Variants in BCAT1 observed in about 807,000 individuals in gnomAD.
The protein encoded by BCAT1 is branched-chain-amino-acid aminotransferase, cytosolic.
A neutral mutation model predicts 52.4 loss-of-function variants in BCAT1; 48 were observed. That is an observed-to-expected ratio of 0.92 (90% CI 0.73 to 1.16). BCAT1 has a LOEUF of 1.16. Among genes scored for constraint, BCAT1 ranks in the 50% most tolerant of loss-of-function variants. BCAT1 has a pLI of 0.00. For synonymous variants in BCAT1, 167 were observed against 161.3 expected (o/e 1.04, Z -0.27); for missense variants, 451 against 457.1 (o/e 0.99, Z 0.12).
chr12:24,906,957 C>T (rs896078446), intron 1 of BCAT1, among the ~76,000 whole-genome samples: 4 of 152,156 alleles, frequency 2.6e-5, no homozygotes, highest in African/African-American at 7.2e-5. Context: ...ATGTCTCAAA[C>T]GCAAATCTGA....
intron 1 of BCAT1, among the ~76,000 whole-genome samples, chr12:24,909,883 T>C (rs1943288633): frequency 6.6e-6 from 1 of 152,134 alleles, no homozygotes; most frequent in African/African-American, 2.4e-5. Context: ...AGGAGCCACG[T>C]GCAGGCTCAT....
At chr12:24,844,379 C>G (rs1044740477) in intron 6 of BCAT1, among the ~76,000 whole-genome samples, 3 of 151,526 alleles carry the variant, frequency 2.0e-5, no homozygotes, top group Non-Finnish European at 4.4e-5. Context: ...TGCAGTGAGC[C>G]GAGATTGTGC....
chr12:24,922,463 GT>G (rs1943511918), intron 1 of BCAT1, among the ~76,000 whole-genome samples: 1 of 152,088 alleles, frequency 6.6e-6, no homozygotes, highest in South Asian at 2.1e-4. Flanking sequence ...ACCCTATAAG[GT>G]AGATATCATC....
intron 1 of BCAT1, among the ~76,000 whole-genome samples, chr12:24,923,336 G>A (rs1943529894): frequency 6.6e-6 from 1 of 152,182 alleles, no homozygotes; most frequent in African/African-American, 2.4e-5. Context: ...AGTAGACTGA[G>A]AAGCCTTGGT....
intron 1 of BCAT1, among the ~76,000 whole-genome samples, chr12:24,941,031 AG>A (rs1943840240): frequency 1.3e-5 from 2 of 152,250 alleles, no homozygotes; most frequent in Non-Finnish European, 2.9e-5. Context: ...GAATTGGTTA[AG>A]ATTCCCAAAC....
intron 1 of BCAT1, among the ~76,000 whole-genome samples, chr12:24,917,548 G>C (rs1943436949): frequency 6.6e-6 from 1 of 152,044 alleles, no homozygotes; most frequent in Non-Finnish European, 1.5e-5. Context: ...CTGTATTTAA[G>C]ACTACTTGTC....
At chr12:24,889,475 G>A (rs1268125128) in intron 3 of BCAT1, among the ~76,000 whole-genome samples, 1 of 152,194 alleles carries the variant, frequency 6.6e-6, no homozygotes, top group Non-Finnish European at 1.5e-5. Context: ...TCAAGAAGTG[G>A]AGTGCTTTTT....
chr12:24,853,745 C>T (rs549255201), intron 5 of BCAT1, among the ~76,000 whole-genome samples: 6 of 152,228 alleles, frequency 3.9e-5, no homozygotes, highest in Admixed American at 3.3e-4. Context: ...ATAATGAGAA[C>T]ATATGGATGA....
At chr12:24,825,129 GTGTGTGTATATA>G (rs950326346) in intron 10 of BCAT1, among the ~76,000 whole-genome samples, 3 of 60,410 alleles carry the variant, frequency 5.0e-5, no homozygotes, top group African/African-American at 1.5e-4. Context: ...GTGTGTGTGT[GTGTGTGTATATA>G]TATATATATA....
chr12:24,913,970 T>G (rs1265321593), intron 1 of BCAT1, among the ~76,000 whole-genome samples: 5 of 152,078 alleles, frequency 3.3e-5, no homozygotes, highest in Non-Finnish European at 7.4e-5. Context: ...TGGCCCACTT[T>G]GGGGAAGAGG....
At chr12:24,852,687 T>TA (rs1203306655) in intron 5 of BCAT1, among the ~76,000 whole-genome samples, 1 of 152,248 alleles carries the variant, frequency 6.6e-6, no homozygotes, top group Non-Finnish European at 1.5e-5. Context: ...AAGGTCTTGA[T>TA]AAACCTCTAA....
At chr12:24,901,187 CTG>C (rs1317847438) in intron 2 of BCAT1, among the ~76,000 whole-genome samples, 1 of 152,110 alleles carries the variant, frequency 6.6e-6, no homozygotes, top group Non-Finnish European at 1.5e-5. Flanking sequence ...TTAGGACACT[CTG>C]TGTCAATTGT....
At chr12:24,918,411 A>G (rs542766592) in intron 1 of BCAT1, among the ~76,000 whole-genome samples, 4 of 152,326 alleles carry the variant, frequency 2.6e-5, no homozygotes, top group South Asian at 2.1e-4. Context: ...GGAATCTCAT[A>G]CAATGTTGGA....
At chr12:24,893,146 C>A (rs1298017783) in intron 3 of BCAT1, among the ~76,000 whole-genome samples, 1 of 152,274 alleles carries the variant, frequency 6.6e-6, no homozygotes, top group East Asian at 1.9e-4. Context: ...CTCATTGGAA[C>A]CTTAGCTCCA....
At chr12:24,897,838 G>A (rs746138057) in intron 2 of BCAT1, among the ~76,000 whole-genome samples, 3 of 152,150 alleles carry the variant, frequency 2.0e-5, no homozygotes, top group Non-Finnish European at 1.5e-5. Flanking sequence ...ACAGGTGTGA[G>A]CTACCGCGCC....
At chr12:24,820,497 T>A (rs1598092262) in intron 10 of BCAT1, among the ~76,000 whole-genome samples, 1 of 152,228 alleles carries the variant, frequency 6.6e-6, no homozygotes, top group African/African-American at 2.4e-5. Flanking sequence ...CATGTCTTCA[T>A]GGACTAGGAT....
chr12:24,913,349 T>C (rs1943358981), intron 1 of BCAT1, among the ~76,000 whole-genome samples: 1 of 152,248 alleles, frequency 6.6e-6, no homozygotes, highest in Non-Finnish European at 1.5e-5. Flanking sequence ...GATCCTGGCA[T>C]GTGCTTCAAC....
intron 3 of BCAT1, among the ~76,000 whole-genome samples, chr12:24,889,509 C>A (rs112880577): frequency 2.0e-5 from 3 of 152,166 alleles, no homozygotes; most frequent in Non-Finnish European, 2.9e-5. Context: ...CTTGGACAGG[C>A]CTTTGTAACC....
intron 10 of BCAT1, among the ~76,000 whole-genome samples, chr12:24,827,057 A>G (rs1940434762): frequency 6.6e-6 from 1 of 152,140 alleles, no homozygotes; most frequent in African/African-American, 2.4e-5. Context: ...AGGTTTTTCT[A>G]GGTGTAAGAT....
Sources: allele counts gnomAD v4.1 joint callset (sites outside exome capture counted in the v4.1 genomes callset), GRCh38; gene constraint gnomAD v4.1.1; transcripts MANE v1.5; gene names NCBI Gene and HGNC (gene_info 2026-07-23, HGNC 2026-07-21).